Variants in RNPEP observed in about 807,000 individuals in gnomAD.
The protein encoded by RNPEP is arginyl aminopeptidase, also known as aminopeptidase B.
A neutral mutation model predicts 70.1 loss-of-function variants in RNPEP; 57 were observed. The ratio of observed to expected loss-of-function variants is 0.81; its 90% CI spans 0.66 to 1.01. RNPEP has a LOEUF of 1.01. Ranked by LOEUF, RNPEP falls within the 50% of genes least tolerant of loss-of-function variation. The pLI, the probability that RNPEP is intolerant of heterozygous loss-of-function variation, is 0.00. For missense variants in RNPEP, 787 were observed against 852.4 expected (o/e 0.92, Z 0.96); for synonymous variants, 335 against 357.4 (o/e 0.94, Z 0.71).
At chr1:201,997,732 C>CT (rs1183377970) in intron 5 of RNPEP, among the ~76,000 whole-genome samples, 178 bp downstream of exon 5, 4 of 147,400 alleles carry the variant, frequency 2.7e-5, no homozygotes, top group African/African-American at 9.9e-5. Context: ...TGACAACTGA[C>CT]TTTTTTTTAA....
chr1:201,994,360 G>A (rs934848345), intron 3 of RNPEP, among the ~76,000 whole-genome samples: 2 of 152,070 alleles, frequency 1.3e-5, no homozygotes, highest in Non-Finnish European at 2.9e-5. Context: ...CTGAAGGTCC[G>A]GTTCTGTAAC....
rs926587779 is a variant in RNPEP at position 201,991,175 on chromosome 1, C to T, written c.737+1644C>T. 4.6e-5 allele frequency among the ~76,000 whole-genome samples: 7 copies of T among 152,124 alleles called. 1 individual carries two copies. In the East Asian group the frequency reaches 5.8e-4, roughly 13 times the overall value. On this transcript the variant is annotated intron_variant, in intron 3 of 10. Transcript: ENST00000295640. Reference sequence around the variant, plus strand: ...TGTTGCCCAGGCTGGAGTGCAGTGGCGCGATCTTGGCTCACCACAACCTCC... The same window carrying T: ...TGTTGCCCAGGCTGGAGTGCAGTGGTGCGATCTTGGCTCACCACAACCTCC...
intron 1 of RNPEP, chr1:201,983,519 A>T: frequency 7.5e-7 from 1 of 1,328,078 alleles, no homozygotes; most frequent in South Asian, 1.2e-5. Context: ...GGGCCGAGGT[A>T]CCTGATTATC....
chr1:202,001,282 T>C, intron 6 of RNPEP, 94 bp from the exon 7 acceptor site: 1 of 855,884 alleles, frequency 1.2e-6, no homozygotes, highest in Non-Finnish European at 1.9e-6. Flanking sequence ...TTCTGATCTC[T>C]TCCATCGCTA....
intron 3 of RNPEP, among the ~76,000 whole-genome samples, chr1:201,993,519 C>T (rs555134113): frequency 7.9e-5 from 12 of 151,652 alleles, no homozygotes; most frequent in East Asian, 1.9e-4. Context: ...ATCACTTGAA[C>T]GTGGGAGGTG....
chr1:201,985,903 C>T (rs1339662388), intron 1 of RNPEP, among the ~76,000 whole-genome samples: 1 of 152,006 alleles, frequency 6.6e-6, no homozygotes, highest in Non-Finnish European at 1.5e-5. Context: ...TCAAACTTTC[C>T]TTGTTTTTGA....
At chr1:201,987,802 T>C (rs6691157) in intron 1 of RNPEP, among the ~76,000 whole-genome samples, 144,797 of 152,056 alleles carry the variant, frequency 0.95, 69,349 homozygotes, top group East Asian at 1. Context: ...CAGTGCCTAT[T>C]ATATAAAATA....
Position 201,983,439 on chromosome 1 carries a change from C to T in RNPEP, c.447+326C>T, listed in dbSNP as rs11802783. On this transcript the variant is annotated intron_variant, in intron 1 of 10. Coordinates refer to ENST00000295640, the MANE Select transcript of RNPEP (RefSeq NM_020216.4). Reference sequence around the variant, plus strand: ...TCCCGCTCATCGCACACTGCCGTTTCTAACATTTTCCGTGGCTTTCTAGAT... The same window carrying T: ...TCCCGCTCATCGCACACTGCCGTTTTTAACATTTTCCGTGGCTTTCTAGAT... 6.8e-4 allele frequency: 989 copies of T among 1,452,638 alleles called. 6 individuals are homozygous for T. The African/African-American group carries it at 0.012, about 18-fold the overall frequency. 90.0% of individuals were successfully genotyped at this position (1,452,638 alleles called of 1,614,324 possible).
rs375216306 is a variant in RNPEP at position 201,996,167 on chromosome 1, C to G, written c.758C>G (p.Pro253Arg). Residue 253 changes from proline to arginine, a missense_variant, in exon 4 of 11, where the codon CCC (proline) becomes CGC (arginine). Pro to Arg is a moderately radical substitution (Grantham distance 103). Coordinates refer to ENST00000295640, the MANE Select transcript of RNPEP (RefSeq NM_020216.4). ...VGPRSRVWAEPCLIDAAKEEY... is the reference protein window; with the variant it reads ...VGPRSRVWAERCLIDAAKEEY... ...TTTAGGAGCCGGGTGTGGGCTGAGC[C>G]CTGCCTGATTGATGCTGCCAAGGAG... 11 of 1,613,942 alleles carry G rather than the reference C, an allele frequency of 6.8e-6. No homozygotes were observed. The African/African-American group carries it at 1.5e-4, about 22-fold the overall frequency.
chr1:201,993,733 C>T (rs1011521633), intron 3 of RNPEP, among the ~76,000 whole-genome samples: 3 of 151,824 alleles, frequency 2.0e-5, no homozygotes, highest in East Asian at 1.9e-4. Context: ...GAGCCGAGAT[C>T]GCGCCACTGC....
At chr1:201,994,823 T>A (rs1683487437) in intron 3 of RNPEP, among the ~76,000 whole-genome samples, 2 of 146,240 alleles carry the variant, frequency 1.4e-5, no homozygotes, top group South Asian at 4.4e-4. Context: ...TACACTACCA[T>A]GTCCTGCTAA....
Position 201,988,951 on chromosome 1 carries a change from C to T in RNPEP, c.495C>T (p.Phe165=), listed in dbSNP as rs146897646. ...PEQTAGKKKP[F]VYTQGQAVLN... ...AGACAGCAGGAAAGAAGAAGCCCTT[C>T]GTGTACACCCAGGGCCAGGCTGTCC... Residue 165 remains phenylalanine, a synonymous_variant, in exon 2 of 11, where the codon TTC becomes TTT. Transcript: ENST00000295640. 2.4e-5 allele frequency: 38 copies of T among 1,613,824 alleles called. No homozygotes were observed. The Admixed American group carries it at 2.8e-4, about 12-fold the overall frequency.
At chr1:202,002,788 G>A (rs536800763) in intron 8 of RNPEP, among the ~76,000 whole-genome samples, 4 of 152,278 alleles carry the variant, frequency 2.6e-5, no homozygotes, top group Admixed American at 1.3e-4. Flanking sequence ...TAACCATCAC[G>A]GAGGCAGGGC....
In RNPEP at chr1:202,003,360, T is replaced by C; in HGVS notation, c.1550T>C (p.Leu517Pro). 2.5e-6 allele frequency: 4 copies of C among 1,614,158 alleles called. No homozygotes were observed. The highest frequency in any genetic ancestry group is 3.4e-6 in the Non-Finnish European group (4 of 1,180,034). Residue 517 changes from leucine (L) to proline (P), a missense_variant, in exon 9 of 11, where the codon CTG becomes CCG. Transcript: ENST00000295640. ...GCCCAACTGTGGGCAGCCGAGGAGC[T>C]GGACATGAAGGCCATTGAAGCCGTG... is the stretch of plus-strand genomic sequence containing the variant. The part of the protein sequence containing the change: ...ELAQLWAAEE[L>P]DMKAIEAVAI...
At chr1:202,001,205 T>C in intron 6 of RNPEP, 171 bp from the exon 7 acceptor site, 1 of 601,204 alleles carries the variant, frequency 1.7e-6, no homozygotes, top group Non-Finnish European at 3.0e-6. Flanking sequence ...CTTGAGAGAG[T>C]CCAAGATCTG....
chr1:201,983,245 A>G, intron 1 of RNPEP, 132 bp downstream of exon 1: 2 of 1,431,236 alleles, frequency 1.4e-6, no homozygotes, highest in Non-Finnish European at 1.8e-6. Flanking sequence ...AGAGGGGCCT[A>G]CTCCCCGCGC....
intron 1 of RNPEP, among the ~76,000 whole-genome samples, chr1:201,984,308 A>T (rs1683048653): frequency 6.7e-6 from 1 of 148,304 alleles, no homozygotes; most frequent in Admixed American, 6.6e-5. Flanking sequence ...GTTGGGTCTG[A>T]AAAGGTGGGA....
At chr1:202,000,908 A>AAAAAAT (rs1553305331) in intron 6 of RNPEP, 22 of 154,064 alleles carry the variant, frequency 1.4e-4, no homozygotes, top group African/African-American at 5.3e-4. Flanking sequence ...AAAAAAAAAA[A>AAAAAAT]AAAACATTGA....
rs763310470 is a variant in RNPEP at position 202,004,376 on chromosome 1, C to T, written c.1674C>T (p.Asp558=). The change falls in exon 10 of 11, where the codon GAC becomes GAT. Residue 558 remains aspartate, a synonymous_variant. Transcript: ENST00000295640. ...CAGGGAATGTGAAAAAACTTGGAGA[C>T]ACATACCCAAGTATCTCAAATGCCC... ...LPPGNVKKLG[D]TYPSISNARN... 9.3e-6 allele frequency: 15 copies of T among 1,613,932 alleles called. No individual in the cohort carries two copies. Among genetic ancestry groups the T allele is most frequent in the African/African-American group, 1.3e-5 (1 of 74,918 alleles).
Sources: allele counts gnomAD v4.1 joint callset (sites outside exome capture counted in the v4.1 genomes callset), GRCh38; gene constraint gnomAD v4.1.1; transcripts MANE v1.5; gene names NCBI Gene and HGNC (gene_info 2026-07-23, HGNC 2026-07-21).